Variants in IL1RAPL2 observed in about 807,000 individuals in gnomAD.
The protein encoded by IL1RAPL2 is X-linked interleukin-1 receptor accessory protein-like 2.
A neutral mutation model predicts 44.1 loss-of-function variants in IL1RAPL2; 3 were observed. That is an observed-to-expected ratio of 0.07 (90% confidence interval 0.03 to 0.18). The LOEUF (loss-of-function observed/expected upper bound fraction) is 0.18, where lower values mean the gene tolerates loss of function less well. Ranked by LOEUF, IL1RAPL2 falls within the 10% of genes least tolerant of loss-of-function variation. IL1RAPL2 has a pLI of 1.00. For missense variants in IL1RAPL2, 391 were observed against 496.4 expected, an observed-to-expected ratio of 0.79 and a Z score of 2.02; for synonymous variants, 181 against 178.8, an observed-to-expected ratio of 1.01 and a Z score of -0.10.
intron 6 of IL1RAPL2, among the ~76,000 whole-genome samples, chrX:105,638,099 T>C (rs1221061013): frequency 9.0e-6 from 1 of 110,980 alleles, no homozygotes; most frequent in East Asian, 2.8e-4. Context: ...ACAAATTGCC[T>C]TTTAAATTTA....
chrX:105,449,555 G>T (rs1245187251), intron 5 of IL1RAPL2, among the ~76,000 whole-genome samples: 1 of 107,440 alleles, frequency 9.3e-6, no homozygotes, highest in East Asian at 3.0e-4. Flanking sequence ...CTGCACTCCA[G>T]CCTGGGCAAC....
chrX:105,574,577 T>C (rs1026072463), intron 6 of IL1RAPL2, among the ~76,000 whole-genome samples: 3 of 112,054 alleles, frequency 2.7e-5, no homozygotes, highest in Non-Finnish European at 5.6e-5. Flanking sequence ...TGTCTTTCTT[T>C]AGTAGGATCA....
chrX:104,761,923 C>CCTTCTTCTTCTT (rs759437149), intron 2 of IL1RAPL2, among the ~76,000 whole-genome samples: 4 of 30,811 alleles, frequency 1.3e-4, no homozygotes, highest in East Asian at 1.8e-3. Context: ...TTCTCCTTCT[C>CCTTCTTCTTCTT]CTTCTTCTTC....
intron 7 of IL1RAPL2, among the ~76,000 whole-genome samples, chrX:105,734,069 C>G (rs769616043): frequency 9.0e-6 from 1 of 110,881 alleles, no homozygotes; most frequent in East Asian, 2.9e-4. Flanking sequence ...TTGTTCTTGT[C>G]TCCACTGTCT....
intron 2 of IL1RAPL2, among the ~76,000 whole-genome samples, chrX:104,926,456 C>T (rs1478851048): frequency 2.7e-5 from 3 of 111,572 alleles, no homozygotes; most frequent in Non-Finnish European, 5.7e-5. Flanking sequence ...ATCTAGGCCC[C>T]TATTTGTATC....
chrX:104,920,244 A>G (rs962580869), intron 2 of IL1RAPL2, among the ~76,000 whole-genome samples: 1 of 111,212 alleles, frequency 9.0e-6, no homozygotes, highest in African/African-American at 3.3e-5. Context: ...TCCTATTAAC[A>G]CTTTTTCCCC....
At chrX:104,962,738 A>T (rs750610590) in intron 2 of IL1RAPL2, among the ~76,000 whole-genome samples, 12 of 111,686 alleles carry the variant, frequency 1.1e-4, no homozygotes, top group Admixed American at 1.0e-3. Flanking sequence ...TAAAAAAGAC[A>T]TTAGTTGTGC....
intron 2 of IL1RAPL2, among the ~76,000 whole-genome samples, chrX:105,081,074 T>C (rs763667798): frequency 1.8e-5 from 2 of 111,760 alleles, no homozygotes; most frequent in Non-Finnish European, 3.8e-5. Context: ...TTTTGTATCC[T>C]GGGACTTTGC....
At chrX:104,905,265 C>G (rs1423174231) in intron 2 of IL1RAPL2, among the ~76,000 whole-genome samples, 2 of 111,579 alleles carry the variant, frequency 1.8e-5, no homozygotes, top group Admixed American at 1.9e-4. Context: ...CCTGTTCACT[C>G]TAATGGTAGT....
chrX:105,102,357 C>T (rs1422207763), intron 2 of IL1RAPL2, among the ~76,000 whole-genome samples: 2 of 111,755 alleles, frequency 1.8e-5, no homozygotes, highest in Non-Finnish European at 3.8e-5. Context: ...CTGACTCTAC[C>T]CTCCCCAACA....
chrX:104,699,585 A>C (rs972209333), intron 2 of IL1RAPL2, among the ~76,000 whole-genome samples: 2 of 112,111 alleles, frequency 1.8e-5, no homozygotes, highest in Non-Finnish European at 3.8e-5. Context: ...CTTAGGTCCT[A>C]ACAGGCCACT....
At chrX:104,871,673 G>A (rs1386989865) in intron 2 of IL1RAPL2, among the ~76,000 whole-genome samples, 1 of 111,029 alleles carries the variant, frequency 9.0e-6, no homozygotes, top group Non-Finnish European at 1.9e-5. Flanking sequence ...GATCTTGGAA[G>A]GATTCAAATA....
At position 104,730,887 on chromosome X, in the gene IL1RAPL2, T is replaced by G. The variant is rs1332844806; in HGVS notation, c.82+71892T>G. On this transcript the variant is annotated intron_variant, in intron 2 of 10. Coordinates refer to ENST00000372582, the MANE Select transcript of IL1RAPL2 (RefSeq NM_017416.2). ...CTCCACATCCTCTCCAGCACCTGTTTTTTCCTGACTTTTTAATGATCACCA... is the reference window on the plus strand; with the variant it reads ...CTCCACATCCTCTCCAGCACCTGTTGTTTCCTGACTTTTTAATGATCACCA... 1.7e-4 allele frequency among the ~76,000 whole-genome samples: 19 copies of G among 109,883 alleles called. 1 individual carries two copies. The South Asian group carries it at 4.7e-3, about 27-fold the overall frequency.
chrX:105,044,691 G>A (rs746898520), intron 2 of IL1RAPL2, among the ~76,000 whole-genome samples: 1 of 111,637 alleles, frequency 9.0e-6, no homozygotes, highest in African/African-American at 3.3e-5. Context: ...TTTAAAGCAA[G>A]TAGTTAGACC....
At chrX:105,719,615 A>G (rs929492746) in intron 7 of IL1RAPL2, among the ~76,000 whole-genome samples, 1 of 111,471 alleles carries the variant, frequency 9.0e-6, no homozygotes, top group Non-Finnish European at 1.9e-5. Context: ...TTATAAGATA[A>G]TGAAAATATT....
intron 2 of IL1RAPL2, among the ~76,000 whole-genome samples, chrX:104,863,555 C>T (rs1368206686): frequency 8.9e-6 from 1 of 112,007 alleles, no homozygotes; most frequent in African/African-American, 3.2e-5. Context: ...AAGTTAAGAA[C>T]CAGGGTAAAT....
chrX:105,029,560 G>T lies in IL1RAPL2; in HGVS notation c.83-165915G>T, dbSNP rs776785162. On this transcript the variant is annotated intron_variant, in intron 2 of 10. Transcript: ENST00000372582. ...AATGATGGTTTCCAGTTTCATCCAT[G>T]TCCCTACAAAGGACATGAACTCATC... is the stretch of plus-strand genomic sequence containing the variant. 9.3e-5 allele frequency among the ~76,000 whole-genome samples: 10 copies of T among 107,767 alleles called. No individual in the cohort carries two copies. In the East Asian group the frequency reaches 2.1e-3, roughly 23 times the overall value. 93.6% of individuals were successfully genotyped at this position (107,767 alleles called of 115,157 possible).
At chrX:105,159,452 A>C (rs1421084987) in intron 2 of IL1RAPL2, among the ~76,000 whole-genome samples, 5 of 112,357 alleles carry the variant, frequency 4.5e-5, no homozygotes, top group African/African-American at 1.6e-4. Context: ...AGACAGAAAG[A>C]ATGGGATAGG....
chrX:105,522,580 G>T (rs1222454473), intron 6 of IL1RAPL2, among the ~76,000 whole-genome samples: 4 of 112,256 alleles, frequency 3.6e-5, no homozygotes, highest in Non-Finnish European at 5.6e-5. Context: ...GTGACTTGGT[G>T]TCTAGTTCAG....
Sources: gnomAD v4.1 joint callset for allele counts (sites outside exome capture counted in the v4.1 genomes callset) on GRCh38, gnomAD v4.1.1 for gene constraint, MANE v1.5 for transcripts, NCBI Gene and HGNC (gene_info 2026-07-23, HGNC 2026-07-21) for gene names.